Variants in PRKG1 observed in about 807,000 individuals in gnomAD.
PRKG1 encodes cGMP-dependent protein kinase 1.
PRKG1 carries 35 observed loss-of-function variants against 88.1 expected under a neutral mutation model. That is an observed-to-expected ratio of 0.40 (90% CI 0.30 to 0.53). The LOEUF (loss-of-function observed/expected upper bound fraction) is 0.53, where lower values mean the gene tolerates loss of function less well. Among genes scored for constraint, PRKG1 ranks in the 20% least tolerant of loss-of-function variants. The pLI, the probability that PRKG1 is intolerant of heterozygous loss-of-function variation, is 0.59. For missense variants in PRKG1, 540 were observed against 839.8 expected (o/e 0.64, Z 4.41); for synonymous variants, 303 against 292.5 (o/e 1.04, Z -0.37).
chr10:51,472,521 T>C (rs191067816), intron 3 of PRKG1, among the ~76,000 whole-genome samples: 136 of 152,060 alleles, frequency 8.9e-4, no homozygotes, highest in African/African-American at 3.1e-3. Flanking sequence ...AGAATGCCAA[T>C]TTTTACTGTT....
intron 1 of PRKG1, among the ~76,000 whole-genome samples, chr10:51,049,751 AC>A (rs1384334104): frequency 1.3e-5 from 2 of 152,220 alleles, no homozygotes; most frequent in Non-Finnish European, 2.9e-5. Context: ...CTTATGCCCA[AC>A]ATATAATTAC....
intron 1 of PRKG1, among the ~76,000 whole-genome samples, chr10:51,140,024 G>T (rs1011638135): frequency 3.3e-5 from 5 of 152,152 alleles, no homozygotes; most frequent in Non-Finnish European, 7.4e-5. Context: ...TAAAGGATCT[G>T]GCTCACCAGC....
At chr10:51,450,719 T>C (rs193259443) in intron 2 of PRKG1, among the ~76,000 whole-genome samples, 16 of 151,990 alleles carry the variant, frequency 1.1e-4, no homozygotes, top group Middle Eastern at 3.4e-3. Context: ...GTTTTATCCA[T>C]GTTGGAAGGG....
chr10:52,014,136 G>A (rs1844972207), intron 5 of PRKG1, among the ~76,000 whole-genome samples: 1 of 152,104 alleles, frequency 6.6e-6, no homozygotes, highest in South Asian at 2.1e-4. Context: ...AGAAGAAGAG[G>A]TATTTCAAAG....
At chr10:51,393,044 G>C (rs1229818576) in intron 2 of PRKG1, among the ~76,000 whole-genome samples, 21 of 133,628 alleles carry the variant, frequency 1.6e-4, no homozygotes, top group African/African-American at 4.2e-4. Flanking sequence ...CGGGCGGAGG[G>C]GCTCCTCACT....
chr10:51,848,327 T>C (rs1589350488), intron 4 of PRKG1, among the ~76,000 whole-genome samples: 2 of 152,266 alleles, frequency 1.3e-5, no homozygotes, highest in South Asian at 4.1e-4. Flanking sequence ...AAATAACTAG[T>C]GAAATAAAAA....
chr10:51,278,268 G>A (rs879151177), intron 2 of PRKG1, among the ~76,000 whole-genome samples: 34 of 152,176 alleles, frequency 2.2e-4, no homozygotes, highest in South Asian at 6.2e-4. Context: ...ATCGATTTTC[G>A]TATGTTGAAC....
chr10:51,561,883 A>T (rs542453536), intron 3 of PRKG1, among the ~76,000 whole-genome samples: 8 of 152,122 alleles, frequency 5.3e-5, no homozygotes, highest in Admixed American at 5.2e-4. Context: ...TTTTTCAAAT[A>T]GTGCTACTGG....
Position 51,792,300 on chromosome 10 carries a change from A to T in PRKG1, c.593-12285A>T, listed in dbSNP as rs562446521. Among the ~76,000 whole-genome samples, 38 of 152,196 alleles carry T rather than the reference A, an allele frequency of 2.5e-4. 1 individual carries two copies. The highest frequency in any genetic ancestry group is 8.2e-4 in the African/African-American group (34 of 41,532). ...TTATAACCGATTTACACAGAAATCT[A>T]CTTATTTCTTAGAGAAAAAAAATTC... On this transcript the variant is annotated intron_variant, in intron 3 of 17. Transcript: ENST00000373980.
At chr10:51,747,785 C>T (rs553904705) in intron 3 of PRKG1, among the ~76,000 whole-genome samples, 10 of 151,948 alleles carry the variant, frequency 6.6e-5, no homozygotes, top group Admixed American at 2.6e-4. Context: ...GAGAGGGGCA[C>T]GAGGGTTAGG....
At chr10:52,132,007 G>A (rs887582773) in intron 7 of PRKG1, among the ~76,000 whole-genome samples, 5 of 151,476 alleles carry the variant, frequency 3.3e-5, no homozygotes, top group Admixed American at 6.6e-5. Flanking sequence ...AAAAAACAGG[G>A]CAACCAGTGA....
At chr10:51,669,555 G>T (rs1032327067) in intron 3 of PRKG1, among the ~76,000 whole-genome samples, 4 of 152,132 alleles carry the variant, frequency 2.6e-5, no homozygotes, top group African/African-American at 9.7e-5. Flanking sequence ...CAGTTAATTA[G>T]CACTGTTACT....
chr10:51,997,869 A>G lies in PRKG1; in HGVS notation c.763-56615A>G, dbSNP rs548997177. 2.0e-5 allele frequency among the ~76,000 whole-genome samples: 3 copies of G among 147,434 alleles called. No individual in the cohort carries two copies. In the South Asian group the frequency reaches 6.5e-4, roughly 32 times the overall value. On this transcript the variant is annotated intron_variant, in intron 5 of 17. Transcript: ENST00000373980. ...TCTCTCTTTTCTTTTCTCCCCTTCCATCCCTTGTAGTTTTTATTCTCTCTT... is the reference window on the plus strand; with the variant it reads ...TCTCTCTTTTCTTTTCTCCCCTTCCGTCCCTTGTAGTTTTTATTCTCTCTT...
intron 4 of PRKG1, among the ~76,000 whole-genome samples, chr10:51,852,197 C>G (rs755995785): frequency 3.2e-4 from 46 of 142,922 alleles, no homozygotes; most frequent in Middle Eastern, 7.2e-3. Flanking sequence ...TTTAGGCAAA[C>G]CTAAGTTTTA....
At chr10:51,767,514 T>C (rs1838195276) in intron 3 of PRKG1, among the ~76,000 whole-genome samples, 1 of 152,170 alleles carries the variant, frequency 6.6e-6, no homozygotes, top group African/African-American at 2.4e-5. Context: ...CTTATGTACA[T>C]ATGCTGGGGG....
intron 3 of PRKG1, among the ~76,000 whole-genome samples, chr10:51,625,126 A>G (rs1564578273): frequency 1.3e-5 from 2 of 152,232 alleles, no homozygotes; most frequent in Non-Finnish European, 2.9e-5. Context: ...TTTGATCATT[A>G]TACTATGTGT....
At chr10:51,628,965 C>CAAAAA (rs199634329) in intron 3 of PRKG1, among the ~76,000 whole-genome samples, 4,715 of 97,986 alleles carry the variant, frequency 0.048, 141 homozygotes, top group South Asian at 0.13. Flanking sequence ...GACTCCGTCT[C>CAAAAA]AAAAAAAAAA....
chr10:51,536,716 T>A (rs1438129190), intron 3 of PRKG1, among the ~76,000 whole-genome samples: 2 of 151,908 alleles, frequency 1.3e-5, no homozygotes, highest in African/African-American at 4.8e-5. Context: ...TAGTTACATA[T>A]GTATACATGT....
chr10:51,727,571 C>T (rs1165783734), intron 3 of PRKG1, among the ~76,000 whole-genome samples: 2 of 152,074 alleles, frequency 1.3e-5, no homozygotes, highest in African/African-American at 2.4e-5. Context: ...TTTGCTTTGG[C>T]CATTAGCACA....
Sources: gnomAD v4.1 joint callset for allele counts (sites outside exome capture counted in the v4.1 genomes callset) on GRCh38, gnomAD v4.1.1 for gene constraint, MANE v1.5 for transcripts, NCBI Gene and HGNC (gene_info 2026-07-23, HGNC 2026-07-21) for gene names.